The following HOMER3 variants were observed in gnomAD, a reference collection of about 807,000 sequenced individuals.
The protein encoded by HOMER3 is homer protein homolog 3.
HOMER3 carries 34 observed loss-of-function variants against 45.5 expected under a neutral mutation model. The observed-to-expected ratio is 0.75, with a 90% CI of 0.57 to 1.00. The LOEUF (loss-of-function observed/expected upper bound fraction) is 1.00. HOMER3 is among the 50% of genes least tolerant of loss of function. The pLI is 0.00. For missense variants in HOMER3, 480 were observed against 497.5 expected, an observed-to-expected ratio of 0.96 and a Z score of 0.33; for synonymous variants, 223 against 208.8, an observed-to-expected ratio of 1.07 and a Z score of -0.58.
At chr19:18,934,270 CCAGGCAGG>C in intron 5 of HOMER3, 25 bp downstream of exon 5, 2 of 1,296,184 alleles carry the variant, frequency 1.5e-6, no homozygotes, top group Non-Finnish European at 2.1e-6. Flanking sequence ...TCACAGGTGC[CCAGGCAGG>C]CATAGGGGAG....
rs747859517 is a variant in HOMER3 at position 18,929,226 on chromosome 19, G to C, written c.*217C>G. 1.8e-5 allele frequency: 14 copies of C among 764,326 alleles called. No homozygotes were observed. Among genetic ancestry groups the C allele is most frequent in the Admixed American group, 3.4e-5 (2 of 58,942 alleles). 47.3% of individuals were successfully genotyped at this position (764,326 alleles called of 1,614,324 possible). A position where few individuals can be genotyped will look rare whatever the true frequency, so the allele number is the denominator to read the frequency against. On this transcript the variant is annotated 3_prime_UTR_variant, in exon 10 of 10. Transcript: ENST00000392351. ...GCCACGCTTAGAAATGTAATCGGGGGATCTAGAAATTCTACACAATGAGAA... is the reference window on the plus strand; with the variant it reads ...GCCACGCTTAGAAATGTAATCGGGGCATCTAGAAATTCTACACAATGAGAA...
In HOMER3 at chr19:18,929,219, A is replaced by G; in HGVS notation, c.*224T>C. On this transcript the variant is annotated 3_prime_UTR_variant, in exon 10 of 10. Coordinates refer to ENST00000392351, the MANE Select transcript of HOMER3 (RefSeq NM_004838.4). ...ACACACAGCCACGCTTAGAAATGTA[A>G]TCGGGGGATCTAGAAATTCTACACA... 1.3e-6 allele frequency: 1 copy of G among 763,532 alleles called. No homozygotes were observed. The highest frequency in any genetic ancestry group is 1.4e-5 in the South Asian group (1 of 73,780). 47.3% of individuals were successfully genotyped at this position (763,532 alleles called of 1,614,324 possible). A position where few individuals can be genotyped will look rare whatever the true frequency, so the allele number is the denominator to read the frequency against.
intron 5 of HOMER3, 28 bp from the exon 6 acceptor site, chr19:18,933,073 G>T: frequency 6.8e-7 from 1 of 1,473,018 alleles, no homozygotes; most frequent in Non-Finnish European, 9.0e-7. Flanking sequence ...AATAGGTCAC[G>T]ACCCCACATC....
At chr19:18,931,919 G>T in intron 7 of HOMER3, 57 bp downstream of exon 7, 1 of 1,465,446 alleles carries the variant, frequency 6.8e-7, no homozygotes, top group Non-Finnish European at 9.0e-7. Flanking sequence ...GCCGAGGCGC[G>T]GTCTCCACAG....
At chr19:18,935,156 G>GGC in intron 4 of HOMER3, among the ~76,000 whole-genome samples, 1 of 145,788 alleles carries the variant, frequency 6.9e-6, no homozygotes, top group African/African-American at 2.5e-5. Flanking sequence ...TTTTTTTGGG[G>GGC]GGGGACAGAA....
At chr19:18,934,255 C>CT (rs1464558212) in intron 5 of HOMER3, 48 bp downstream of exon 5, 1 of 1,154,094 alleles carries the variant, frequency 8.7e-7, no homozygotes, top group African/African-American at 1.6e-5. Flanking sequence ...GAGCGCCTGG[C>CT]TGACTCACAG....
At chr19:18,937,718 T>C (rs1241506552) in intron 4 of HOMER3, among the ~76,000 whole-genome samples, 11 of 147,090 alleles carry the variant, frequency 7.5e-5, no homozygotes, top group Non-Finnish European at 1.3e-4. Flanking sequence ...AAAGCACTCA[T>C]CATCAACAAA....
Position 18,929,385 on chromosome 19 carries a change from C to CG in HOMER3, c.*57dup. ...CCAGGACGAATGGGCCCAACTATGC[C>CG]GCCTGCAGCCTGGCCCGCATCCCAG... is the stretch of plus-strand genomic sequence containing the variant. On this transcript the variant is annotated 3_prime_UTR_variant, in exon 10 of 10. Coordinates refer to ENST00000392351, the MANE Select transcript of HOMER3 (RefSeq NM_004838.4). The CG allele has an allele frequency of 1.3e-6, 2 of 1,559,174 alleles. No homozygotes were observed. The highest frequency in any genetic ancestry group is 1.7e-6 in the Non-Finnish European group (2 of 1,146,692).
chr19:18,932,103 T>A lies in HOMER3; in HGVS notation c.563A>T (p.Glu188Val). Reference sequence around the variant, plus strand: ...GTTGCTGTCCTGCAGTGCGAAAAACTCGGCCTCCCACTGTACCTCGCCCAC... The same window carrying A: ...GTTGCTGTCCTGCAGTGCGAAAAACACGGCCTCCCACTGTACCTCGCCCAC... The part of the protein sequence containing the change: ...GSVGEVQWEA[E>V]FFALQDSNNK... The change falls in exon 7 of 10, where the codon GAG (glutamate) becomes GTG (valine). Residue 188 changes from glutamate to valine, a missense_variant. Coordinates refer to ENST00000392351, the MANE Select transcript of HOMER3 (RefSeq NM_004838.4). The A allele has an allele frequency of 6.4e-7, 1 of 1,569,660 alleles. No individual in the cohort carries two copies. The highest frequency in any genetic ancestry group is 8.6e-7 in the Non-Finnish European group (1 of 1,159,938).
Position 18,929,279 on chromosome 19 carries a change from C to A in HOMER3, c.*164G>T. The A allele has an allele frequency of 3.8e-6, 3 of 799,354 alleles. No individual in the cohort carries two copies. The highest frequency in any genetic ancestry group is 1.3e-5 in the South Asian group (1 of 74,440). The allele number at this position is 799,354 out of a possible 1,614,324, so 49.5% of individuals were successfully genotyped here. A position where few individuals can be genotyped will look rare whatever the true frequency, so the allele number is the denominator to read the frequency against. ...TCAAAAACAGCCCCAAAGCTGCCAA[C>A]AACCAGAGCCGACTGGGGCCCACCC... On this transcript the variant is annotated 3_prime_UTR_variant, in exon 10 of 10. Transcript: ENST00000392351.
Position 18,929,574 on chromosome 19 carries a change from C to G in HOMER3, c.955G>C (p.Glu319Gln). 3.9e-6 allele frequency: 6 copies of G among 1,547,710 alleles called. No homozygotes were observed. The highest frequency in any genetic ancestry group is 4.4e-6 in the Non-Finnish European group (5 of 1,146,890). Residue 319 changes from glutamate to glutamine, a missense_variant, in exon 10 of 10, where the codon GAG (glutamate) becomes CAG (glutamine). Glu to Gln is a conservative substitution (Grantham distance 29, BLOSUM62 2). Coordinates refer to ENST00000392351, the MANE Select transcript of HOMER3 (RefSeq NM_004838.4). ...HQLRAMERSL[E>Q]EARAERERAR... ...CGCTCCCGCTCTGCCCGTGCCTCCT[C>G]CAGGCTGCGCTCCATCGCCCGCAGC...
intron 4 of HOMER3, among the ~76,000 whole-genome samples, chr19:18,936,708 G>A (rs1313445810): frequency 2.6e-5 from 4 of 151,560 alleles, no homozygotes; most frequent in Non-Finnish European, 4.4e-5. Flanking sequence ...AAATTGTTGG[G>A]GCCGGGCGCG....
At chr19:18,935,893 G>A (rs141227706) in intron 4 of HOMER3, among the ~76,000 whole-genome samples, 52 of 145,676 alleles carry the variant, frequency 3.6e-4, no homozygotes, top group African/African-American at 1.2e-3. Context: ...GGTGGTGGGC[G>A]CCTGTAATCC....
At chr19:18,934,893 A>C (rs1165180127) in intron 4 of HOMER3, among the ~76,000 whole-genome samples, 1 of 136,618 alleles carries the variant, frequency 7.3e-6, no homozygotes, top group African/African-American at 2.9e-5. Flanking sequence ...TTTGAGATGG[A>C]GTCTTGCTCT....
chr19:18,937,907 C>T (rs2057111316), intron 4 of HOMER3, among the ~76,000 whole-genome samples: 1 of 151,136 alleles, frequency 6.6e-6, no homozygotes, highest in Admixed American at 6.6e-5. Context: ...AACTAGGACT[C>T]AAGAGCAGGT....
chr19:18,936,244 C>T (rs894883924), intron 4 of HOMER3, among the ~76,000 whole-genome samples: 5 of 147,896 alleles, frequency 3.4e-5, no homozygotes, highest in African/African-American at 1.2e-4. Context: ...ACCGGGGAGG[C>T]GGAAGTTGCG....
At position 18,931,318 on chromosome 19, in the gene HOMER3, C is replaced by A; in HGVS notation, c.894+7G>T. ...CCGTCACCCCACCTCCTTGTGCCCA[C>A]ACACACCTGCACCTTCTGCTGAGTC... On this transcript the variant is annotated splice_region_variant and intron_variant, in intron 9 of 9. Coordinates refer to ENST00000392351, the MANE Select transcript of HOMER3 (RefSeq NM_004838.4). The A allele has an allele frequency of 6.2e-7, 1 of 1,613,482 alleles. No individual in the cohort carries two copies. Among genetic ancestry groups the A allele is most frequent in the Non-Finnish European group, 8.5e-7 (1 of 1,179,530 alleles).
chr19:18,938,715 A>G lies in HOMER3; in HGVS notation c.171+13T>C. The G allele has an allele frequency of 6.6e-7, 1 of 1,509,812 alleles. No individual in the cohort carries two copies. The highest frequency in any genetic ancestry group is 9.1e-7 in the Non-Finnish European group (1 of 1,099,158). The allele number at this position is 1,509,812 out of a possible 1,614,324, so 93.5% of individuals were successfully genotyped here. A position where few individuals can be genotyped will look rare whatever the true frequency, so the allele number is the denominator to read the frequency against. ...CTCCTGGTGCCTCTGCCCCACCCAG[A>G]CCCCACCCTGACCTTGGCGCCTCCG... is the stretch of plus-strand genomic sequence containing the variant. On this transcript the variant is annotated intron_variant, in intron 3 of 9. Coordinates refer to ENST00000392351, the MANE Select transcript of HOMER3 (RefSeq NM_004838.4).
At chr19:18,929,692 G>A (rs1444531359) in intron 9 of HOMER3, 58 bp from the exon 10 acceptor site, 2 of 1,386,812 alleles carry the variant, frequency 1.4e-6, no homozygotes, top group Non-Finnish European at 1.9e-6. Flanking sequence ...TCCTGCCCGA[G>A]GCATCCAGAG....
Sources: gnomAD v4.1 joint callset for allele counts (sites outside exome capture counted in the v4.1 genomes callset) on GRCh38, gnomAD v4.1.1 for gene constraint, MANE v1.5 for transcripts, NCBI Gene and HGNC (gene_info 2026-07-23, HGNC 2026-07-21) for gene names.